Variants in OSGEPL1 observed in about 807,000 individuals in gnomAD.
The protein encoded by OSGEPL1 is O-sialoglycoprotein endopeptidase like 1.
OSGEPL1 carries 26 observed loss-of-function variants against 37.2 expected under a neutral mutation model. The ratio of observed to expected loss-of-function variants is 0.70; its 90% CI spans 0.51 to 0.97. The LOEUF (loss-of-function observed/expected upper bound fraction) is 0.97. Ranked by LOEUF, OSGEPL1 falls within the 50% of genes least tolerant of loss-of-function variation. The pLI, the probability that OSGEPL1 is intolerant of heterozygous loss-of-function variation, is 0.00. For synonymous variants in OSGEPL1, 140 were observed against 159.9 expected (o/e 0.88, Z 0.94); for missense variants, 404 against 487.0 (o/e 0.83, Z 1.60).
rs2044217665 is a variant in OSGEPL1, at chr2:189,746,749, ATACTAAGCAG to A, written c.*438_*447del. ...TTTTGAATGAAAGTTCTTGATCTCG[ATACTAAGCAG>A]ATTTTCCTTAGCATGTCTACAGGAA... On this transcript the variant is annotated 3_prime_UTR_variant, in exon 9 of 9. Transcript: ENST00000264151. The A allele has an allele frequency of 4.1e-6, 4 of 972,354 alleles. No homozygotes were observed. The highest frequency in any genetic ancestry group is 5.7e-6 in the Non-Finnish European group (4 of 702,390). The allele number at this position is 972,354 out of a possible 1,614,324, so 60.2% of individuals were successfully genotyped here.
Position 189,759,291 on chromosome 2 carries a change from C to G in OSGEPL1, c.221+2129G>C, listed in dbSNP as rs74381898. On this transcript the variant is annotated intron_variant, in intron 2 of 8. Coordinates refer to ENST00000264151, the MANE Select transcript of OSGEPL1 (RefSeq NM_022353.3). ...TGAGACAGACTCTCACTCTGTCGCC[C>G]GGGCTGGAGTCCAATGGCGCGATCT... Among the ~76,000 whole-genome samples, 387 of 152,100 alleles carry G rather than the reference C, an allele frequency of 2.5e-3. 1 individual carries two copies. The highest frequency in any genetic ancestry group is 0.024 in the South Asian group (114 of 4,808).
intron 1 of OSGEPL1, 49 bp from the exon 2 acceptor site, chr2:189,761,709 C>T: frequency 1.4e-6 from 2 of 1,434,348 alleles, no homozygotes; most frequent in South Asian, 3.2e-5. Context: ...TGACATTAGC[C>T]AGCTTATTTT....
At position 189,762,740 on chromosome 2, in the gene OSGEPL1, C is replaced by T. The variant is rs532357600; in HGVS notation, c.-76G>A. 7 of 985,382 alleles carry T rather than the reference C, an allele frequency of 7.1e-6. No homozygotes were observed. The highest frequency in any genetic ancestry group is 1.7e-5 in the African/African-American group (1 of 57,208). The allele number at this position is 985,382 out of a possible 1,614,324, so 61.0% of individuals were successfully genotyped here. A position where few individuals can be genotyped will look rare whatever the true frequency, so the allele number is the denominator to read the frequency against. On this transcript the variant is annotated 5_prime_UTR_variant, in exon 1 of 9. Transcript: ENST00000264151. ...GTCTCCTTTCCCTACTAAAGACTGT[C>T]GACTGCCCTTATCGCTGCAGGAGAA...
At position 189,754,073 on chromosome 2, in the gene OSGEPL1, A is replaced by G; in HGVS notation, c.815-9T>C. The G allele has an allele frequency of 1.9e-6, 3 of 1,612,346 alleles. No homozygotes were observed. The highest frequency in any genetic ancestry group is 2.5e-6 in the Non-Finnish European group (3 of 1,178,988). Reference sequence around the variant, plus strand: ...TTGCCCCTTCTCAATACCTGCAGAAATGAGCAGCTATTTTTAGGCACAATC... The same window carrying G: ...TTGCCCCTTCTCAATACCTGCAGAAGTGAGCAGCTATTTTTAGGCACAATC... On this transcript the variant is annotated splice_polypyrimidine_tract_variant and intron_variant, in intron 4 of 8. Coordinates refer to ENST00000264151, the MANE Select transcript of OSGEPL1 (RefSeq NM_022353.3).
intron 8 of OSGEPL1, among the ~76,000 whole-genome samples, chr2:189,747,830 C>T (rs889144925): frequency 7.9e-5 from 12 of 152,108 alleles, no homozygotes; most frequent in African/African-American, 1.2e-4. Context: ...CGGTTACAGG[C>T]GCCTGCCACC....
intron 8 of OSGEPL1, among the ~76,000 whole-genome samples, chr2:189,749,624 T>A (rs1329320565): frequency 2.0e-5 from 3 of 152,026 alleles, no homozygotes; most frequent in Non-Finnish European, 4.4e-5. Context: ...TGTGAAAGTA[T>A]GTGGACAACT....
intron 2 of OSGEPL1, among the ~76,000 whole-genome samples, chr2:189,758,283 A>AC (rs966871949): frequency 6.6e-6 from 1 of 151,560 alleles, no homozygotes; most frequent in Non-Finnish European, 1.5e-5. Flanking sequence ...CTGAAGGCTG[A>AC]GGGGGGAGAA....
chr2:189,753,769 A>G, intron 5 of OSGEPL1, 147 bp downstream of exon 5: 1 of 827,946 alleles, frequency 1.2e-6, no homozygotes, highest in Non-Finnish European at 1.8e-6. Context: ...AATGGCTGTT[A>G]GTCTTTCCTA....
chr2:189,752,949 A>T lies in OSGEPL1; in HGVS notation c.994T>A (p.Tyr332Asn). The change falls in exon 6 of 9, where the codon TAT becomes AAT. Residue 332 changes from tyrosine (Y) to asparagine (N), a missense_variant. By Grantham distance (143) the Tyr-to-Asn change is moderately radical (BLOSUM62 -2). Transcript: ENST00000264151. Reference sequence around the variant, plus strand: ...AAAATTTCCAGAGCTCTGCGGATATAGAAGTTACTTGCGACACCACCAGAT... The same window carrying T: ...AAAATTTCCAGAGCTCTGCGGATATTGAAGTTACTTGCGACACCACCAGAT... ...VASGGVASNF[Y>N]IRRALEILTN... The T allele has an allele frequency of 1.2e-6, 2 of 1,612,976 alleles. No homozygotes were observed. Among genetic ancestry groups the T allele is most frequent in the Non-Finnish European group, 1.7e-6 (2 of 1,179,612 alleles).
intron 3 of OSGEPL1, 188 bp from the exon 4 acceptor site, chr2:189,754,533 C>A: frequency 3.6e-6 from 2 of 561,160 alleles, no homozygotes; most frequent in Non-Finnish European, 3.1e-6. Flanking sequence ...CTTATGATGA[C>A]CCGAACAATA....
At position 189,753,945 on chromosome 2, in the gene OSGEPL1, CTCTCTGCTTACAA is replaced by C; in HGVS notation, c.921_933del (p.Phe307LeufsTer30). 6.2e-7 allele frequency: 1 copy of C among 1,613,678 alleles called. No individual in the cohort carries two copies. Among genetic ancestry groups the C allele is most frequent in the South Asian group, 1.1e-5 (1 of 91,070 alleles). ...ACTGCATTATTTTGAGGTAACAAGTCTCTCTGCTTACAAAACAGAATAGCCCGATGTGTTCTTT... is the reference window on the plus strand; with the variant it reads ...ACTGCATTATTTTGAGGTAACAAGTCAACAGAATAGCCCGATGTGTTCTTT... On this transcript the variant is annotated frameshift_variant, in exon 5 of 9. Transcript: ENST00000264151. LOFTEE classifies it high-confidence loss of function.
At chr2:189,753,154 ATAAT>A in intron 5 of OSGEPL1, 175 bp from the exon 6 acceptor site, 5 of 457,560 alleles carry the variant, frequency 1.1e-5, no homozygotes, top group South Asian at 1.0e-4. Context: ...AAAATTACTA[ATAAT>A]TCTAATAGCA....
At chr2:189,751,520 C>T (rs1303691166) in intron 7 of OSGEPL1, among the ~76,000 whole-genome samples, 1 of 145,326 alleles carries the variant, frequency 6.9e-6, no homozygotes, top group Non-Finnish European at 1.5e-5. Flanking sequence ...TCTCGGCTTA[C>T]TGTAACCTCC....
intron 2 of OSGEPL1, 57 bp from the exon 3 acceptor site, chr2:189,755,617 T>C: frequency 6.5e-7 from 1 of 1,526,976 alleles, no homozygotes; most frequent in Non-Finnish European, 8.8e-7. Context: ...TGAAGAAAAA[T>C]GATATTACAG....
chr2:189,754,211 A>G lies in OSGEPL1; in HGVS notation c.744T>C (p.Asn248=). ...GAAGTCCAGTAAAAGAAAAATCACA[A>G]TTTTTAGCATGATGCAAGGGAGGTT... The part of the protein sequence containing the change: ...DIKPPLHHAK[N]CDFSFTGLQH... The change falls in exon 4 of 9, where the codon AAT becomes AAC. Residue 248 remains asparagine (N), a synonymous_variant. Coordinates refer to ENST00000264151, the MANE Select transcript of OSGEPL1 (RefSeq NM_022353.3). The G allele has an allele frequency of 6.2e-7, 1 of 1,613,876 alleles. No homozygotes were observed. The highest frequency in any genetic ancestry group is 8.5e-7 in the Non-Finnish European group (1 of 1,179,822).
chr2:189,758,104 C>T (rs1045738284), intron 2 of OSGEPL1, among the ~76,000 whole-genome samples: 4 of 151,902 alleles, frequency 2.6e-5, no homozygotes, highest in Non-Finnish European at 5.9e-5. Flanking sequence ...AAGTGTGGGC[C>T]GGGAGTGGTG....
At chr2:189,762,857 T>TA (rs1290557567), upstream of OSGEPL1, 5 of 985,250 alleles carry the variant, frequency 5.1e-6, no homozygotes, top group Admixed American at 2.5e-4. Flanking sequence ...GCGGCATGCT[T>TA]AGTGAAGAAA....
chr2:189,762,782 C>A lies in OSGEPL1; in HGVS notation c.-118G>T, dbSNP rs530167382. ...GCAGGAGAAAGCCCGAACCTGGCGC[C>A]CGGAAGTGATGTCATCGGAACTGTG... On this transcript the variant is annotated 5_prime_UTR_variant, in exon 1 of 9. Transcript: ENST00000264151. 1 of 985,468 alleles carries A rather than the reference C, an allele frequency of 1.0e-6. No individual in the cohort carries two copies. The highest frequency in any genetic ancestry group is 1.7e-5 in the African/African-American group (1 of 57,288). The allele number at this position is 985,468 out of a possible 1,614,324, so 61.0% of individuals were successfully genotyped here. A position where few individuals can be genotyped will look rare whatever the true frequency, so the allele number is the denominator to read the frequency against.
intron 7 of OSGEPL1, among the ~76,000 whole-genome samples, chr2:189,751,351 T>C (rs1036682397): frequency 1.3e-5 from 2 of 152,080 alleles, no homozygotes; most frequent in African/African-American, 4.8e-5. Context: ...CTTCCGGTAC[T>C]ACTAACTCAA....
Sources: gnomAD v4.1 joint callset for allele counts (sites outside exome capture counted in the v4.1 genomes callset) on GRCh38, gnomAD v4.1.1 for gene constraint, MANE v1.5 for transcripts, NCBI Gene and HGNC (gene_info 2026-07-23, HGNC 2026-07-21) for gene names.